NOTCH3: variants seen among roughly 807,000 people sequenced by gnomAD.
NOTCH3 encodes the protein notch receptor 3.
In NOTCH3, 86 loss-of-function variants were observed where a neutral mutation model predicts 213.3. The observed-to-expected ratio is 0.40, with a 90% CI of 0.34 to 0.48. The LOEUF is 0.48. NOTCH3 is among the 20% of genes least tolerant of loss of function. NOTCH3 has a pLI of 0.57. For synonymous variants in NOTCH3, 1,354 were observed against 1,355.9 expected (o/e 1.00, Z 0.03); for missense variants, 2,783 against 3,272.6 (o/e 0.85, Z 3.65).
chr19:15,198,562 C>A (rs1304266454), intron 1 of NOTCH3, among the ~76,000 whole-genome samples: 1 of 152,164 alleles, frequency 6.6e-6, no homozygotes, highest in Non-Finnish European at 1.5e-5. Flanking sequence ...ACCAGCCTGG[C>A]CAACACAGTG....
At chr19:15,175,406 CG>C (rs891944589) in intron 24 of NOTCH3, among the ~76,000 whole-genome samples, 54 of 149,638 alleles carry the variant, frequency 3.6e-4, no homozygotes, top group Non-Finnish European at 7.0e-4. Flanking sequence ...TGGTGGCGGG[CG>C]CCTGTAATCC....
At position 15,161,408 on chromosome 19, in the gene NOTCH3, G is replaced by A. The variant is rs762316366; in HGVS notation, c.6220C>T (p.Pro2074Ser). The change falls in exon 33 of 33, where the codon CCG becomes TCG. Residue 2074 changes from proline (P) to serine (S), a missense_variant. Physicochemically the swap from Pro to Ser is moderately conservative, Grantham distance 74. Transcript: ENST00000263388. ...RRPPGKAGLG[P>S]QGPRGRGKKL... ...TTGCCCCGCCCCCGGGGCCCCTGCG[G>A]CCCCAGCCCCGCCTTCCCGGGGGGC... 8 of 1,525,914 alleles carry A rather than the reference G, an allele frequency of 5.2e-6. No individual in the cohort carries two copies. The highest frequency in any genetic ancestry group is 1.2e-5 in the South Asian group (1 of 82,124). 94.5% of individuals were successfully genotyped at this position (1,525,914 alleles called of 1,614,324 possible).
At chr19:15,166,961 C>G (rs1183954531) in intron 29 of NOTCH3, among the ~76,000 whole-genome samples, 5 of 151,804 alleles carry the variant, frequency 3.3e-5, no homozygotes, top group Non-Finnish European at 5.9e-5. Context: ...TTTTCTGGAG[C>G]ATTAAGAAGG....
chr19:15,200,705 A>G, intron 1 of NOTCH3, 83 bp downstream of exon 1: 1 of 1,079,554 alleles, frequency 9.3e-7, no homozygotes, highest in Non-Finnish European at 1.1e-6. Flanking sequence ...GCCTCCCATG[A>G]ACCCCCGCCA....
rs376590511 is a variant in NOTCH3 at position 15,165,903 on chromosome 19, G to T, written c.5551C>A (p.Arg1851Ser). ...AGCAGCCGCTTGGCTGCATCAGCACGGGCATAACGGGCAGCCAGGTGCAAA... is the reference window on the plus strand; with the variant it reads ...AGCAGCCGCTTGGCTGCATCAGCACTGGCATAACGGGCAGCCAGGTGCAAA... Reference protein sequence around the residue: ...TALHLAARYARADAAKRLLDA... With the variant: ...TALHLAARYASADAAKRLLDA... The change falls in exon 30 of 33, where the codon CGT (arginine) becomes AGT (serine). Residue 1851 changes from arginine (R) to serine (S), a missense_variant. Physicochemically the swap from Arg to Ser is moderately radical, Grantham distance 110 (BLOSUM62 -1). Around this residue, in one of 6 missense-constraint regions of NOTCH3, gnomAD observed 636 missense variants for 801.8 expected, o/e 0.79. Transcript: ENST00000263388. This position sits in a 1 kb window ranked among gnomAD's most constrained non-coding sequence, Gnocchi z 4.7. 4.3e-6 allele frequency: 7 copies of T among 1,614,094 alleles called. 1 individual carries two copies. The South Asian group carries it at 6.6e-5, about 15-fold the overall frequency.
chr19:15,197,828 G>T (rs1291543247), intron 1 of NOTCH3, among the ~76,000 whole-genome samples: 1 of 151,868 alleles, frequency 6.6e-6, no homozygotes, highest in Non-Finnish European at 1.5e-5. Context: ...GAAGGCAGGA[G>T]GAGGGGCTGT....
chr19:15,196,828 A>T (rs1183693564), intron 2 of NOTCH3, among the ~76,000 whole-genome samples: 1 of 152,026 alleles, frequency 6.6e-6, no homozygotes, highest in East Asian at 1.9e-4. Flanking sequence ...GGTGTCCCAG[A>T]CCCCAGAATT....
intron 24 of NOTCH3, 120 bp downstream of exon 24, chr19:15,177,405 A>C: frequency 6.0e-6 from 5 of 839,738 alleles, no homozygotes; most frequent in Non-Finnish European, 1.0e-5. Context: ...GGGCAGATAG[A>C]GTGCACAGAG....
At chr19:15,163,706 C>T (rs935997199) in intron 31 of NOTCH3, among the ~76,000 whole-genome samples, 1 of 152,108 alleles carries the variant, frequency 6.6e-6, no homozygotes, top group African/African-American at 2.4e-5. Context: ...TGGCACACAC[C>T]TGTAATACCA....
At chr19:15,173,904 C>T (rs2046764256) in intron 25 of NOTCH3, among the ~76,000 whole-genome samples, 164 bp downstream of exon 25, 2 of 152,242 alleles carry the variant, frequency 1.3e-5, no homozygotes, top group South Asian at 4.1e-4. Context: ...ACCCCAGAAG[C>T]ACTAGCTCCA....
chr19:15,168,650 A>T (rs1247201412), intron 28 of NOTCH3, among the ~76,000 whole-genome samples: 2 of 152,040 alleles, frequency 1.3e-5, no homozygotes, highest in African/African-American at 4.8e-5. Context: ...CCTGGCCAAC[A>T]TGGTGAAACC....
rs957532270 is a variant in NOTCH3, at chr19:15,165,730, C to A, written c.5667+57G>T. 5.1e-6 allele frequency: 8 copies of A among 1,583,800 alleles called. No homozygotes were observed. Among genetic ancestry groups the A allele is most frequent in the Non-Finnish European group, 6.9e-6 (8 of 1,164,554 alleles). ...TGAAAGGCAGAACTGGGGCTCAAACCCAGGTAAGTCTAATGCCTGCCCCAG... is the reference window on the plus strand; with the variant it reads ...TGAAAGGCAGAACTGGGGCTCAAACACAGGTAAGTCTAATGCCTGCCCCAG... On this transcript the variant is annotated intron_variant, in intron 30 of 32. Transcript: ENST00000263388. This position sits in a 1 kb window ranked among gnomAD's most constrained non-coding sequence, Gnocchi z 4.7.
chr19:15,160,320 AAAAT>A lies in NOTCH3; in HGVS notation c.*338_*341del. On this transcript the variant is annotated 3_prime_UTR_variant, in exon 33 of 33. Transcript: ENST00000263388. ...TATACAAAATGTAAAAAAAAAAAGA[AAAAT>A]AAAAATAATAATAATTCATTCATGT... 1 of 258,122 alleles carries A rather than the reference AAAAT, an allele frequency of 3.9e-6. No individual in the cohort carries two copies. 16.0% of individuals were successfully genotyped at this position (258,122 alleles called of 1,614,324 possible).
intron 31 of NOTCH3, among the ~76,000 whole-genome samples, chr19:15,163,593 G>A (rs992954263): frequency 2.0e-5 from 3 of 152,220 alleles, no homozygotes; most frequent in Non-Finnish European, 4.4e-5. Flanking sequence ...CAATTTGGGA[G>A]GCCAAGGTGG....
Position 15,180,656 on chromosome 19 carries a change from C to T in NOTCH3, c.3142+25G>A. The T allele has an allele frequency of 3.2e-6, 5 of 1,544,622 alleles. No individual in the cohort carries two copies. In the South Asian group the frequency reaches 3.6e-5, roughly 11 times the overall value. On this transcript the variant is annotated intron_variant, in intron 19 of 32. Coordinates refer to ENST00000263388, the MANE Select transcript of NOTCH3 (RefSeq NM_000435.3). Reference sequence around the variant, plus strand: ...ATGAGCCCCTTCCCAAGGCCCCACACGCCCGCCCACATGCTCCCACTCACC... The same window carrying T: ...ATGAGCCCCTTCCCAAGGCCCCACATGCCCGCCCACATGCTCCCACTCACC...
intron 20 of NOTCH3, chr19:15,179,717 A>G: frequency 1.7e-6 from 1 of 599,892 alleles, no homozygotes; most frequent in Non-Finnish European, 3.0e-6. Context: ...CCCTGTCACT[A>G]TGAAAAATAC....
rs1401870864 is a variant in NOTCH3 at position 15,180,749 on chromosome 19, G to C, written c.3074C>G (p.Pro1025Arg). The C allele has an allele frequency of 6.3e-7, 1 of 1,593,054 alleles. No homozygotes were observed. The highest frequency in any genetic ancestry group is 8.5e-7 in the Non-Finnish European group (1 of 1,170,692). ...ACAGAGGCGTCCGCTCCATCCAGGG[G>C]GACAAAGGCAATAGGCCCCAGTCTG... is the stretch of plus-strand genomic sequence containing the variant. Reference protein sequence around the residue: ...CVQTGAYCLCPPGWSGRLCDI... With the variant: ...CVQTGAYCLCRPGWSGRLCDI... Residue 1025 changes from proline to arginine, a missense_variant, in exon 19 of 33, where the codon CCC (proline) becomes CGC (arginine). Physicochemically the swap from Pro to Arg is moderately radical, Grantham distance 103. Around this residue, in one of 6 missense-constraint regions of NOTCH3, gnomAD observed 861 missense variants for 909.1 expected, o/e 0.95. Coordinates refer to ENST00000263388, the MANE Select transcript of NOTCH3 (RefSeq NM_000435.3).
chr19:15,179,604 G>A (rs2145419459), intron 20 of NOTCH3, 108 bp from the exon 21 acceptor site: 1 of 1,197,018 alleles, frequency 8.4e-7, no homozygotes, highest in Non-Finnish European at 1.2e-6. Context: ...ACACACAGAT[G>A]TTCAGCGCAC....
Position 15,174,571 on chromosome 19 carries a change from ATTT to A in NOTCH3, c.4404-174_4404-172del, listed in dbSNP as rs71168591. ...TGCAAATCTTGCCATTCACTGGATAATTTTTTTTTTTTTTTTTTGAGACGGAGT... is the reference window on the plus strand; with the variant it reads ...TGCAAATCTTGCCATTCACTGGATAATTTTTTTTTTTTTTTGAGACGGAGT... On this transcript the variant is annotated intron_variant, in intron 24 of 32. Coordinates refer to ENST00000263388, the MANE Select transcript of NOTCH3 (RefSeq NM_000435.3). 8.2e-3 allele frequency among the ~76,000 whole-genome samples: 1,185 copies of A among 145,350 alleles called. 7 individuals carry two copies. Among genetic ancestry groups the A allele is most frequent in the Middle Eastern group, 0.021 (6 of 286 alleles).
Sources: gnomAD v4.1 joint callset for allele counts (sites outside exome capture counted in the v4.1 genomes callset) on GRCh38, gnomAD v4.1.1 for gene constraint, gnomAD v4.1.1 regional missense constraint, Gnocchi (gnomAD v3.1) non-coding constraint, MANE v1.5 for transcripts, NCBI Gene and HGNC (gene_info 2026-07-23, HGNC 2026-07-21) for gene names.